Variants in NTN1 observed in about 807,000 individuals in gnomAD.
The protein encoded by NTN1 is netrin 1.
In NTN1, 11 loss-of-function variants were observed where a neutral mutation model predicts 54.2. That is an observed-to-expected ratio of 0.20 (90% CI 0.13 to 0.34). The LOEUF (loss-of-function observed/expected upper bound fraction) is 0.34, where lower values mean the gene tolerates loss of function less well. NTN1 is among the 10% of genes least tolerant of loss of function. The probability of loss-of-function intolerance (pLI) is 1.00; values close to 1 mark genes in which losing one functional copy is unlikely to be tolerated. For missense variants in NTN1, 740 were observed against 893.1 expected (o/e 0.83, Z 2.18); for synonymous variants, 371 against 382.0 (o/e 0.97, Z 0.33).
At chr17:9,005,866 G>T in the NTN1 span, among the ~76,000 whole-genome samples, 3 of 152,204 alleles carry the variant, frequency 2.0e-5, no homozygotes, top group East Asian at 5.8e-4. Flanking sequence ...AAACCCAGGG[G>T]CCTTCTCTTA....
rs1012363240 is a variant in NTN1, at chr17:9,221,295, C to T, written c.1486+53C>T. On this transcript the variant is annotated intron_variant, in intron 6 of 6. Coordinates refer to ENST00000173229, the MANE Select transcript of NTN1 (RefSeq NM_004822.3). The surrounding 1 kb of genome is among the most constrained non-coding windows in gnomAD (Gnocchi z 4.5). ...GGATGGGAGGGGGCCACGTGACCAG[C>T]GAGGTGCTGGGGCTGGGGTGCAGCT... The T allele has an allele frequency of 1.7e-5, 25 of 1,444,390 alleles. No homozygotes were observed. Among genetic ancestry groups the T allele is most frequent in the South Asian group, 9.1e-5 (8 of 87,672 alleles). The allele number at this position is 1,444,390 out of a possible 1,614,324, so 89.5% of individuals were successfully genotyped here.
chr17:9,212,900 C>T lies in NTN1; in HGVS notation c.1412-8268C>T, dbSNP rs1033691394. Among the ~76,000 whole-genome samples, 9 of 152,218 alleles carry T rather than the reference C, an allele frequency of 5.9e-5. No homozygotes were observed. Among genetic ancestry groups the T allele is most frequent in the South Asian group, 2.1e-4 (1 of 4,830 alleles). ...CGGTGCCCCTGGCTTCAACCGTGGC[C>T]GCCGGGCTCTGCCTGCCATATGCTC... On this transcript the variant is annotated intron_variant, in intron 5 of 6. Coordinates refer to ENST00000173229, the MANE Select transcript of NTN1 (RefSeq NM_004822.3). This position sits in a 1 kb window ranked among gnomAD's most constrained non-coding sequence, Gnocchi z 5.5.
At chr17:9,124,161 CT>C (rs1332031091) in intron 2 of NTN1, among the ~76,000 whole-genome samples, 1 of 152,228 alleles carries the variant, frequency 6.6e-6, no homozygotes. Flanking sequence ...ATCCATTTTT[CT>C]TAAAAATCAG....
intron 2 of NTN1, among the ~76,000 whole-genome samples, chr17:9,126,694 G>T (rs932833717): frequency 3.3e-5 from 5 of 152,180 alleles, no homozygotes; most frequent in African/African-American, 1.2e-4. Flanking sequence ...CAGCTCTGAT[G>T]ATGGGTAGGA....
intron 5 of NTN1, among the ~76,000 whole-genome samples, chr17:9,191,186 C>T (rs1039822743): frequency 4.6e-5 from 7 of 152,008 alleles, no homozygotes; most frequent in African/African-American, 1.7e-4. Flanking sequence ...CGGAGCCGGG[C>T]GTGGTGGCTC....
intron 3 of NTN1, chr17:9,176,307 GA>G (rs1228638669): frequency 6.6e-6 from 1 of 152,464 alleles, no homozygotes; most frequent in Non-Finnish European, 1.5e-5. Flanking sequence ...GCGAGGGAGG[GA>G]GAATTAGTAG....
intron 2 of NTN1, among the ~76,000 whole-genome samples, chr17:9,086,231 A>G (rs2092089583): frequency 6.6e-6 from 1 of 152,174 alleles, no homozygotes; most frequent in Non-Finnish European, 1.5e-5. Context: ...AGCCGAGTGC[A>G]GTGGTCCTTG....
At chr17:9,101,373 C>T (rs1010807311) in intron 2 of NTN1, among the ~76,000 whole-genome samples, 10 of 152,202 alleles carry the variant, frequency 6.6e-5, no homozygotes, top group South Asian at 2.1e-4. Context: ...TGGAATTCCC[C>T]GTGTTGTTTG....
intron 6 of NTN1, among the ~76,000 whole-genome samples, chr17:9,238,888 C>T (rs1252045180): frequency 1.3e-5 from 2 of 152,220 alleles, no homozygotes; most frequent in Middle Eastern, 3.2e-3. Flanking sequence ...AGCTCTGGGG[C>T]GGGGCCCAGC....
intron 2 of NTN1, among the ~76,000 whole-genome samples, chr17:9,143,776 C>A (rs1032006112): frequency 6.6e-6 from 1 of 152,314 alleles, no homozygotes; most frequent in Middle Eastern, 3.4e-3. Flanking sequence ...ACTGGGAGGT[C>A]CCTTTGCGAT....
In NTN1 at chr17:9,221,147, T is replaced by A. The variant is rs59534717; in HGVS notation, c.1412-21T>A. On this transcript the variant is annotated intron_variant, in intron 5 of 6. Transcript: ENST00000173229. The surrounding 1 kb of genome is among the most constrained non-coding windows in gnomAD (Gnocchi z 4.5). ...CAGCCTAATTAGTTTTTGTCTGTGC[T>A]CCCCCCCCACCCCCCTGCAGACTGC... The A allele has an allele frequency of 1.5e-6, 2 of 1,304,010 alleles. No homozygotes were observed. The highest frequency in any genetic ancestry group is 1.7e-5 in the African/African-American group (1 of 57,790). The allele number at this position is 1,304,010 out of a possible 1,614,324, so 80.8% of individuals were successfully genotyped here.
intron 2 of NTN1, among the ~76,000 whole-genome samples, chr17:9,147,585 G>A (rs1336813527): frequency 2.0e-5 from 3 of 152,198 alleles, no homozygotes; most frequent in African/African-American, 4.8e-5. Context: ...GGCAGGAAAT[G>A]TGTCTTCTAA....
At chr17:9,032,957 C>CT (rs34215544) in intron 2 of NTN1, among the ~76,000 whole-genome samples, 68,279 of 137,880 alleles carry the variant, frequency 0.5, 17,628 homozygotes, top group African/African-American at 0.6. Context: ...GAAATCAATC[C>CT]TTTTTTTTTT....
intron 6 of NTN1, among the ~76,000 whole-genome samples, chr17:9,224,426 T>C (rs1597547187): frequency 6.6e-6 from 1 of 152,298 alleles, no homozygotes; most frequent in East Asian, 1.9e-4. Flanking sequence ...GGACCCTCTG[T>C]TCCCTGACTC....
Position 9,096,366 on chromosome 17 carries a change from C to CT in NTN1, c.1019-66425dup, listed in dbSNP as rs1555567412. Among the ~76,000 whole-genome samples, 357 of 91,498 alleles carry CT rather than the reference C, an allele frequency of 3.9e-3. 12 individuals are homozygous for CT. Among genetic ancestry groups the CT allele is most frequent in the Middle Eastern group, 0.018 (2 of 114 alleles). 60.0% of individuals were successfully genotyped at this position (91,498 alleles called of 152,430 possible). ...TGTCTTCCTGGGTTTTATGGGTAGA[C>CT]TTTTTTTTTTTTTTTTTTTTTTGAG... is the stretch of plus-strand genomic sequence containing the variant. On this transcript the variant is annotated intron_variant, in intron 2 of 6. Transcript: ENST00000173229.
intron 2 of NTN1, among the ~76,000 whole-genome samples, chr17:9,161,407 C>G (rs375949781): frequency 6.6e-6 from 1 of 152,140 alleles, no homozygotes; most frequent in Non-Finnish European, 1.5e-5. Context: ...GAGACAGGAC[C>G]AGCTTATTTG....
intron 2 of NTN1, among the ~76,000 whole-genome samples, chr17:9,112,592 G>C (rs908170645): frequency 2.1e-5 from 3 of 143,020 alleles, no homozygotes; most frequent in African/African-American, 7.9e-5. Context: ...TTGGGAGGCC[G>C]AGGCAGGCGG....
intron 2 of NTN1, among the ~76,000 whole-genome samples, chr17:9,105,660 TTCTCTCTCTCTC>T (rs72039051): frequency 7.0e-6 from 1 of 142,000 alleles, no homozygotes; most frequent in Non-Finnish European, 1.6e-5. Context: ...CTCTCTCTCT[TTCTCTCTCTCTC>T]TCTCTCTCTG....
intron 3 of NTN1, among the ~76,000 whole-genome samples, chr17:9,164,850 A>G (rs868437169): frequency 1.3e-5 from 2 of 152,148 alleles, no homozygotes; most frequent in African/African-American, 2.4e-5. Flanking sequence ...GCAGAGAATG[A>G]ATGGGAAGGT....
Sources: gnomAD v4.1 joint callset for allele counts (sites outside exome capture counted in the v4.1 genomes callset) on GRCh38, gnomAD v4.1.1 for gene constraint, Gnocchi (gnomAD v3.1) non-coding constraint, MANE v1.5 for transcripts, NCBI Gene and HGNC (gene_info 2026-07-23, HGNC 2026-07-21) for gene names.